The following PIK3R1 variants were observed in gnomAD, a reference collection of about 807,000 sequenced individuals.
The protein encoded by PIK3R1 is phosphoinositide-3-kinase regulatory subunit 1.
A neutral mutation model predicts 98.0 loss-of-function variants in PIK3R1; 29 were observed. That is an observed-to-expected ratio of 0.30 (90% CI 0.22 to 0.40). The LOEUF is 0.40. PIK3R1 is among the 10% of genes least tolerant of loss of function. PIK3R1 has a pLI of 1.00. For synonymous variants in PIK3R1, 282 were observed against 311.8 expected (o/e 0.90, Z 1.01); for missense variants, 596 against 872.7 (o/e 0.68, Z 3.99).
At chr5:68,283,118 C>T (rs2112204720) in intron 7 of PIK3R1, among the ~76,000 whole-genome samples, 1 of 152,330 alleles carries the variant, frequency 6.6e-6, no homozygotes, top group East Asian at 1.9e-4. Flanking sequence ...TCAGCATTGC[C>T]ACAGCATGTG....
At chr5:68,246,664 C>T (rs1457130978) in intron 2 of PIK3R1, among the ~76,000 whole-genome samples, 1 of 152,136 alleles carries the variant, frequency 6.6e-6, no homozygotes, top group Non-Finnish European at 1.5e-5. Flanking sequence ...CGCTCTGTCG[C>T]CCAGGCTGGA....
intron 7 of PIK3R1, chr5:68,290,901 T>A: frequency 1.0e-6 from 1 of 990,802 alleles, no homozygotes. Context: ...CGAAAGCTAC[T>A]GTAAAAGATC....
chr5:68,288,545 CTG>C, intron 7 of PIK3R1: 1 of 1,468,714 alleles, frequency 6.8e-7, no homozygotes, highest in African/African-American at 1.4e-5. Flanking sequence ...AGCTGGGCCA[CTG>C]TGCACGCCCG....
intron 2 of PIK3R1, among the ~76,000 whole-genome samples, chr5:68,267,581 GATTTATTT>G (rs1046877100): frequency 6.6e-6 from 1 of 152,016 alleles, no homozygotes; most frequent in Admixed American, 6.6e-5. Flanking sequence ...TATGGCTGAA[GATTTATTT>G]CCACATCTAC....
At chr5:68,295,681 A>AT (rs1471614998) in intron 14 of PIK3R1, 193 bp downstream of exon 14, 13 of 598,754 alleles carry the variant, frequency 2.2e-5, no homozygotes, top group Non-Finnish European at 3.3e-5. Flanking sequence ...ACTAGGATTT[A>AT]TTTTTACTCA....
chr5:68,262,600 T>C (rs1439978780), intron 2 of PIK3R1, among the ~76,000 whole-genome samples: 2 of 129,634 alleles, frequency 1.5e-5, no homozygotes, highest in South Asian at 2.3e-4. Context: ...TATCTGCATG[T>C]ATACACATGT....
At chr5:68,258,213 A>G (rs1276817837) in intron 2 of PIK3R1, among the ~76,000 whole-genome samples, 2 of 152,190 alleles carry the variant, frequency 1.3e-5, no homozygotes, top group Non-Finnish European at 2.9e-5. Context: ...TGGGGATGCT[A>G]CCTTTTTAGT....
chr5:68,262,379 A>G (rs1307474956), intron 2 of PIK3R1, among the ~76,000 whole-genome samples: 1 of 109,180 alleles, frequency 9.2e-6, no homozygotes, highest in East Asian at 2.5e-4. Flanking sequence ...GCTTCTTTCT[A>G]TAATTTTTAT....
intron 7 of PIK3R1, among the ~76,000 whole-genome samples, chr5:68,281,472 T>C (rs1746833883): frequency 6.6e-6 from 1 of 152,194 alleles, no homozygotes; most frequent in Non-Finnish European, 1.5e-5. Context: ...GAAACCAGTG[T>C]TCCCTGCAGC....
chr5:68,291,142 C>T (rs1013385729), intron 7 of PIK3R1: 2 of 254,854 alleles, frequency 7.8e-6, no homozygotes, highest in African/African-American at 4.5e-5. Flanking sequence ...GATATTGTCC[C>T]TGTAATTAAA....
chr5:68,223,055 TATAAC>T (rs1561255666), intron 1 of PIK3R1, among the ~76,000 whole-genome samples: 3 of 151,362 alleles, frequency 2.0e-5, no homozygotes, highest in African/African-American at 7.4e-5. Flanking sequence ...TATGACTGTA[TATAAC>T]TATATATAGT....
At chr5:68,265,272 A>G (rs751604482) in intron 2 of PIK3R1, among the ~76,000 whole-genome samples, 10 of 152,138 alleles carry the variant, frequency 6.6e-5, no homozygotes, top group African/African-American at 2.4e-4. Context: ...GAGGGTATTT[A>G]TTTACTAAAT....
At chr5:68,246,313 A>ATT (rs11351105) in intron 2 of PIK3R1, among the ~76,000 whole-genome samples, 1,971 of 127,274 alleles carry the variant, frequency 0.015, 61 homozygotes, top group African/African-American at 0.057. Context: ...TGGTGTGTAT[A>ATT]TTTTTTTTTT....
intron 2 of PIK3R1, among the ~76,000 whole-genome samples, chr5:68,239,545 T>C (rs943204301): frequency 1.1e-4 from 17 of 152,240 alleles, no homozygotes; most frequent in Non-Finnish European, 5.9e-5. Context: ...GGCCTTATTA[T>C]ACCTGTTTTA....
At chr5:68,294,179 A>G (rs551692944) in intron 11 of PIK3R1, among the ~76,000 whole-genome samples, 5 of 152,318 alleles carry the variant, frequency 3.3e-5, no homozygotes, top group South Asian at 2.1e-4. Context: ...AGGCATTAAT[A>G]TATATCCTAC....
chr5:68,225,504 C>T (rs771650237), intron 1 of PIK3R1, among the ~76,000 whole-genome samples: 10 of 152,152 alleles, frequency 6.6e-5, no homozygotes, highest in Non-Finnish European at 7.4e-5. Flanking sequence ...TCGTTCTCGC[C>T]GCACATTTAA....
chr5:68,263,449 C>T (rs1745993062), intron 2 of PIK3R1, among the ~76,000 whole-genome samples: 1 of 151,678 alleles, frequency 6.6e-6, no homozygotes, highest in African/African-American at 2.4e-5. Context: ...ATTCTAAAAC[C>T]ATAACCAGAA....
chr5:68,290,189 A>C (rs1747311414), intron 7 of PIK3R1, among the ~76,000 whole-genome samples: 1 of 152,224 alleles, frequency 6.6e-6, no homozygotes, highest in Non-Finnish European at 1.5e-5. Flanking sequence ...AAATACCAGG[A>C]GTAGTCCGTA....
chr5:68,278,745 G>T (rs6872284), intron 4 of PIK3R1, among the ~76,000 whole-genome samples: 1,959 of 152,038 alleles, frequency 0.013, 45 homozygotes, highest in African/African-American at 0.044. Flanking sequence ...TTTGAGACCA[G>T]CCTGACCAAC....
Sources: gnomAD v4.1 joint callset for allele counts (sites outside exome capture counted in the v4.1 genomes callset) on GRCh38, gnomAD v4.1.1 for gene constraint, MANE v1.5 for transcripts, NCBI Gene and HGNC (gene_info 2026-07-23, HGNC 2026-07-21) for gene names.